ZC3H12B: variants seen among roughly 807,000 people sequenced by gnomAD.
ZC3H12B encodes zinc finger CCCH-type containing 12B, also known as probable ribonuclease ZC3H12B.
In ZC3H12B, 7 loss-of-function variants were observed where a neutral mutation model predicts 43.9. The observed-to-expected ratio is 0.16, with a 90% CI of 0.09 to 0.30. The LOEUF (loss-of-function observed/expected upper bound fraction) is 0.30, where lower values mean the gene tolerates loss of function less well. Among genes scored for constraint, ZC3H12B ranks in the 10% least tolerant of loss-of-function variants. The pLI is 1.00. For synonymous variants in ZC3H12B, 222 were observed against 241.7 expected, an observed-to-expected ratio of 0.92 and a Z score of 0.76; for missense variants, 475 against 670.2, an observed-to-expected ratio of 0.71 and a Z score of 3.22.
At chrX:65,388,581 G>T (rs186622418) in intron 2 of ZC3H12B, among the ~76,000 whole-genome samples, 11 of 111,300 alleles carry the variant, frequency 9.9e-5, no homozygotes, top group Non-Finnish European at 1.9e-5. Flanking sequence ...TTTGCCATGG[G>T]TTTGAACTTC....
At chrX:65,306,594 C>A in the ZC3H12B span, among the ~76,000 whole-genome samples, 4 of 111,241 alleles carry the variant, frequency 3.6e-5, no homozygotes, top group African/African-American at 1.3e-4. Context: ...AGGCTGCTCT[C>A]GAACTCCTGA....
At chrX:65,123,465 C>T in the ZC3H12B span, among the ~76,000 whole-genome samples, 1 of 110,750 alleles carries the variant, frequency 9.0e-6, no homozygotes, top group African/African-American at 3.3e-5. Flanking sequence ...AGGAGGATTC[C>T]CCCTTCTTCT....
intron 3 of ZC3H12B, among the ~76,000 whole-genome samples, chrX:65,413,900 A>G (rs1389265244): frequency 8.9e-6 from 1 of 112,067 alleles, no homozygotes; most frequent in Non-Finnish European, 1.9e-5. Context: ...CATCTTAACA[A>G]TATTAATTCT....
chrX:65,058,898 G>C, the ZC3H12B span, among the ~76,000 whole-genome samples: 15,994 of 111,871 alleles, frequency 0.14, 2,749 homozygotes, highest in African/African-American at 0.49. Flanking sequence ...TAATCTTCTG[G>C]TGTGCCGTTT....
At chrX:65,117,010 C>A in the ZC3H12B span, among the ~76,000 whole-genome samples, 6 of 111,721 alleles carry the variant, frequency 5.4e-5, no homozygotes, top group Non-Finnish European at 9.4e-5. Flanking sequence ...AATAGTGCCA[C>A]AATAAACATA....
chrX:65,070,964 C>T, the ZC3H12B span, among the ~76,000 whole-genome samples: 1 of 107,763 alleles, frequency 9.3e-6, no homozygotes, highest in East Asian at 2.9e-4. Context: ...TGTTTTAGGT[C>T]CATTTGGTCA....
the ZC3H12B span, among the ~76,000 whole-genome samples, chrX:65,049,271 TTA>T: frequency 9.0e-6 from 1 of 111,420 alleles, no homozygotes; most frequent in Non-Finnish European, 1.9e-5. Context: ...AGCTATTTCC[TTA>T]TGTTTTCTTC....
At chrX:65,296,285 G>A in the ZC3H12B span, among the ~76,000 whole-genome samples, 17 of 110,952 alleles carry the variant, frequency 1.5e-4, no homozygotes, top group Non-Finnish European at 2.8e-4. Flanking sequence ...ATGTTCTCAC[G>A]CAGATGTGGG....
the ZC3H12B span, among the ~76,000 whole-genome samples, chrX:65,235,651 A>T: frequency 8.3e-4 from 92 of 111,320 alleles, no homozygotes; most frequent in African/African-American, 2.9e-3. Context: ...CTGCAAGCAG[A>T]TTCCAACTTG....
chrX:65,120,255 G>A, the ZC3H12B span, among the ~76,000 whole-genome samples: 340 of 111,775 alleles, frequency 3.0e-3, 1 homozygote, highest in Non-Finnish European at 5.4e-3. Context: ...CCATTTTCAC[G>A]ATATTGATTC....
At chrX:65,220,684 A>T in the ZC3H12B span, among the ~76,000 whole-genome samples, 7 of 111,843 alleles carry the variant, frequency 6.3e-5, no homozygotes, top group Middle Eastern at 4.6e-3. Flanking sequence ...TAACGCTGGA[A>T]CTCCCAAGTT....
intron 2 of ZC3H12B, among the ~76,000 whole-genome samples, chrX:65,384,858 G>C (rs1245379454): frequency 1.8e-5 from 2 of 110,595 alleles, no homozygotes; most frequent in East Asian, 2.8e-4. Context: ...AACAGGAGTT[G>C]GAACATATGG....
chrX:65,294,399 C>T, the ZC3H12B span, among the ~76,000 whole-genome samples: 2 of 111,333 alleles, frequency 1.8e-5, no homozygotes, highest in East Asian at 5.6e-4. Context: ...AAAATAGGAC[C>T]TCATAAAGGC....
chrX:65,406,601 G>GATGGGCGGGGCTGGGCGGGGA (rs1569396822), intron 3 of ZC3H12B, among the ~76,000 whole-genome samples: 2 of 94,732 alleles, frequency 2.1e-5, no homozygotes, highest in African/African-American at 8.0e-5. Context: ...GCTGGGCGGG[G>GATGGGCGGGGCTGGGCGGGGA]CTGGGCGGGG....
intron 3 of ZC3H12B, among the ~76,000 whole-genome samples, chrX:65,428,627 C>T (rs1383027832): frequency 8.9e-6 from 1 of 112,512 alleles, no homozygotes; most frequent in African/African-American, 3.2e-5. Flanking sequence ...TCCTCTCTAA[C>T]CTGGCTATTT....
At chrX:65,507,749 C>G (rs1445824892) in exon 5 of ZC3H12B, 1 of 112,251 alleles carries the variant, frequency 8.9e-6, no homozygotes, top group Non-Finnish European at 1.9e-5. Context: ...TTGTAATATG[C>G]TCTCGCTAGC....
the ZC3H12B span, among the ~76,000 whole-genome samples, chrX:65,164,960 T>C: frequency 8.9e-6 from 1 of 112,083 alleles, no homozygotes; most frequent in East Asian, 2.8e-4. Context: ...CTATTTTTCC[T>C]CAGGCATTAT....
At chrX:65,486,119 T>C (rs982955729), upstream of ZC3H12B, among the ~76,000 whole-genome samples, 1 of 112,523 alleles carries the variant, frequency 8.9e-6, no homozygotes. Context: ...GAGTTGAGTA[T>C]TTCCTCTTCT....
intron 3 of ZC3H12B, among the ~76,000 whole-genome samples, chrX:65,448,979 G>GAAAGAAAGAAAGAAAGAAAGAA (rs1158285090): frequency 4.6e-5 from 1 of 21,642 alleles, no homozygotes; most frequent in African/African-American, 5.3e-5. Flanking sequence ...AAGAAAGAAA[G>GAAAGAAAGAAAGAAAGAAAGAA]AGAAAGAAAG....
Sources: allele counts gnomAD v4.1 joint callset (sites outside exome capture counted in the v4.1 genomes callset), GRCh38; gene constraint gnomAD v4.1.1; transcripts MANE v1.5; gene names NCBI Gene and HGNC (gene_info 2026-07-23, HGNC 2026-07-21).